The following CGGBP1 variants were observed in gnomAD, a reference collection of about 807,000 sequenced individuals.
CGGBP1 encodes the protein CGG triplet repeat binding protein 1.
CGGBP1 carries 4 observed loss-of-function variants against 11.4 expected under a neutral mutation model. That is an observed-to-expected ratio of 0.35 (90% CI 0.17 to 0.80). CGGBP1 has a LOEUF of 0.80. Ranked by LOEUF, CGGBP1 falls within the 30% of genes least tolerant of loss-of-function variation. CGGBP1 has a pLI of 0.52. For synonymous variants in CGGBP1, 76 were observed against 74.1 expected, an observed-to-expected ratio of 1.03 and a Z score of -0.13; for missense variants, 135 against 202.1, an observed-to-expected ratio of 0.67 and a Z score of 2.01.
chr3:88,059,831 G>C (rs1301164795), upstream of CGGBP1, among the ~76,000 whole-genome samples: 3 of 152,172 alleles, frequency 2.0e-5, no homozygotes, highest in African/African-American at 7.2e-5. Context: ...CGAGAGTCCC[G>C]CCTTTCTTAT....
At chr3:88,113,768 T>TA (rs1705232408) in intron 2 of CGGBP1, among the ~76,000 whole-genome samples, 1 of 151,762 alleles carries the variant, frequency 6.6e-6, no homozygotes, top group African/African-American at 2.4e-5. Context: ...GAGCTCCCCC[T>TA]AGGGGTGAAG....
At chr3:88,077,532 TC>T (rs1283665407) in intron 2 of CGGBP1, among the ~76,000 whole-genome samples, 1 of 152,086 alleles carries the variant, frequency 6.6e-6, no homozygotes, top group Non-Finnish European at 1.5e-5. Flanking sequence ...AGACGGGGTT[TC>T]CCTGTGTATG....
chr3:88,093,860 G>A (rs1440971549), intron 2 of CGGBP1, among the ~76,000 whole-genome samples: 2 of 152,070 alleles, frequency 1.3e-5, no homozygotes, highest in Non-Finnish European at 2.9e-5. Flanking sequence ...TGTTTTTTGC[G>A]GGGGCTGGGC....
intron 2 of CGGBP1, among the ~76,000 whole-genome samples, chr3:88,100,759 A>AT (rs981234431): frequency 6.6e-6 from 1 of 152,098 alleles, no homozygotes; most frequent in Non-Finnish European, 1.5e-5. Context: ...GAATTGAACA[A>AT]TGAGAACACT....
chr3:88,066,341 A>G (rs897955029), intron 2 of CGGBP1, among the ~76,000 whole-genome samples: 2 of 152,158 alleles, frequency 1.3e-5, no homozygotes, highest in Non-Finnish European at 2.9e-5. Context: ...TGGGAGTCCA[A>G]GGCAGGCAAA....
chr3:88,128,942 C>T (rs1341693279), intron 2 of CGGBP1: 2 of 1,535,290 alleles, frequency 1.3e-6, no homozygotes, highest in Non-Finnish European at 1.7e-6. Flanking sequence ...TCAGTAAAGA[C>T]TTATACTTCC....
Position 88,140,477 on chromosome 3 carries a change from C to T in CGGBP1, c.-229+493G>A, listed in dbSNP as rs202143526. ...TAGAAAGTATGGAAAAGAAAACAGA[C>T]AGTTTAGTTCAGAATGGAAACGAAC... On this transcript the variant is annotated intron_variant, in intron 2 of 3. Transcript: ENST00000462901. 1.6e-5 allele frequency: 26 copies of T among 1,613,548 alleles called. 1 individual carries two copies. In the South Asian group the frequency reaches 2.6e-4, roughly 16 times the overall value.
rs745387879 is a variant in CGGBP1, at chr3:88,141,512, GA to G, written c.-337-435del. 12 of 578,550 alleles carry G rather than the reference GA, an allele frequency of 2.1e-5. No individual in the cohort carries two copies. The East Asian group carries it at 3.7e-4, about 18-fold the overall frequency. 35.8% of individuals were successfully genotyped at this position (578,550 alleles called of 1,614,324 possible). A position where few individuals can be genotyped will look rare whatever the true frequency, so the allele number is the denominator to read the frequency against. On this transcript the variant is annotated intron_variant, in intron 1 of 3. Coordinates refer to the CGGBP1 transcript ENST00000462901. ...AGAAAATAATTGAGAAACAAAATCAGAAAAAGAGCTTGTCTGTCTACTAATA... is the reference window on the plus strand; with the variant it reads ...AGAAAATAATTGAGAAACAAAATCAGAAAAGAGCTTGTCTGTCTACTAATA...
intron 2 of CGGBP1, among the ~76,000 whole-genome samples, chr3:88,100,371 G>A (rs1704337519): frequency 6.6e-6 from 1 of 152,172 alleles, no homozygotes. Flanking sequence ...TTACACTGTT[G>A]GTGGGACTGT....
At chr3:88,111,636 A>C (rs949182778) in intron 2 of CGGBP1, among the ~76,000 whole-genome samples, 4 of 151,972 alleles carry the variant, frequency 2.6e-5, no homozygotes, top group African/African-American at 9.7e-5. Flanking sequence ...TGCTTCTATA[A>C]ACCATTTGTA....
intron 2 of CGGBP1, among the ~76,000 whole-genome samples, chr3:88,086,017 T>C (rs549789901): frequency 1.3e-5 from 2 of 152,338 alleles, no homozygotes; most frequent in East Asian, 3.9e-4. Flanking sequence ...TGGTAAAACA[T>C]TGGTAGTTGA....
intron 1 of CGGBP1, among the ~76,000 whole-genome samples, chr3:88,141,236 AG>A: frequency 6.6e-6 from 1 of 152,130 alleles, no homozygotes; most frequent in Non-Finnish European, 1.5e-5. Context: ...CCTGTTTTAT[AG>A]ATCAAGCAAC....
intron 1 of CGGBP1, among the ~76,000 whole-genome samples, chr3:88,145,057 G>A (rs1707284863): frequency 1.2e-5 from 1 of 80,702 alleles, no homozygotes. Context: ...AGAGCTTCTG[G>A]TGGAACTTAA....
intron 2 of CGGBP1, among the ~76,000 whole-genome samples, chr3:88,116,612 T>TTGTG (rs761236273): frequency 1.1e-4 from 17 of 149,816 alleles, no homozygotes; most frequent in East Asian, 9.8e-4. Flanking sequence ...TGTATATATG[T>TTGTG]TGTGTGTGTG....
intron 2 of CGGBP1, among the ~76,000 whole-genome samples, chr3:88,094,477 C>T (rs1457445979): frequency 6.6e-6 from 1 of 151,968 alleles, no homozygotes; most frequent in East Asian, 1.9e-4. Context: ...CCTGTTCCCA[C>T]CTACATTAGT....
chr3:88,076,616 C>T (rs1440756771), intron 2 of CGGBP1, among the ~76,000 whole-genome samples: 2 of 152,008 alleles, frequency 1.3e-5, no homozygotes, highest in Non-Finnish European at 2.9e-5. Flanking sequence ...TTCTTGAAAC[C>T]GAGCATACCT....
chr3:88,142,896 A>G (rs1435358106), intron 1 of CGGBP1: 3 of 152,320 alleles, frequency 2.0e-5, no homozygotes, highest in African/African-American at 7.2e-5. Context: ...TGTTAAAACA[A>G]TAAATATTTT....
intron 2 of CGGBP1, chr3:88,139,807 A>G: frequency 1.9e-6 from 3 of 1,559,156 alleles, no homozygotes; most frequent in South Asian, 1.2e-5. Context: ...TATGAAGAAG[A>G]TGATTATGAC....
chr3:88,073,065 C>T (rs1369982987), intron 2 of CGGBP1, among the ~76,000 whole-genome samples: 1 of 152,124 alleles, frequency 6.6e-6, no homozygotes, highest in East Asian at 1.9e-4. Flanking sequence ...AGATGGATGG[C>T]ATGGCACATT....
Sources: gnomAD v4.1 joint callset for allele counts (sites outside exome capture counted in the v4.1 genomes callset) on GRCh38, gnomAD v4.1.1 for gene constraint, MANE v1.5 for transcripts, NCBI Gene and HGNC (gene_info 2026-07-23, HGNC 2026-07-21) for gene names.